The following KCNQ3 variants were observed in gnomAD, a reference collection of about 807,000 sequenced individuals.
KCNQ3 encodes potassium voltage-gated channel subfamily Q member 3.
A neutral mutation model predicts 92.5 loss-of-function variants in KCNQ3; 30 were observed. That is an observed-to-expected ratio of 0.32 (90% CI 0.24 to 0.44). The LOEUF is 0.44. Among genes scored for constraint, KCNQ3 ranks in the 20% least tolerant of loss-of-function variants. The pLI is 1.00. For missense variants in KCNQ3, 913 were observed against 1,140.3 expected (o/e 0.80, Z 2.87); for synonymous variants, 450 against 468.8 (o/e 0.96, Z 0.52).
intron 1 of KCNQ3, among the ~76,000 whole-genome samples, chr8:132,468,339 C>T (rs1404704381): frequency 6.6e-6 from 1 of 152,188 alleles, no homozygotes; most frequent in African/African-American, 2.4e-5. Flanking sequence ...AGTATATTCT[C>T]CTAGCCCAGG....
chr8:132,177,197 C>T (rs1432979875), intron 4 of KCNQ3, among the ~76,000 whole-genome samples: 2 of 152,338 alleles, frequency 1.3e-5, no homozygotes, highest in East Asian at 3.9e-4. Flanking sequence ...TAAAAACTGA[C>T]TGTTCTGGAT....
intron 1 of KCNQ3, among the ~76,000 whole-genome samples, chr8:132,479,509 C>A (rs548414727): frequency 6.6e-6 from 1 of 152,218 alleles, no homozygotes; most frequent in East Asian, 1.9e-4. Flanking sequence ...CGTTCCCATT[C>A]ACTTCCCTAA....
At chr8:132,359,118 C>T (rs750517176) in intron 1 of KCNQ3, among the ~76,000 whole-genome samples, 7 of 152,190 alleles carry the variant, frequency 4.6e-5, no homozygotes, top group Non-Finnish European at 8.8e-5. Flanking sequence ...GGGAACAGTA[C>T]AGTATAATTG....
At position 132,127,065 on chromosome 8, in the gene KCNQ3, G is replaced by C. The variant is rs372685274; in HGVS notation, c.*2197C>G. 9 of 152,152 alleles carry C rather than the reference G, an allele frequency of 5.9e-5. No homozygotes were observed. The highest frequency in any genetic ancestry group is 2.2e-4 in the African/African-American group (9 of 41,424). 9.4% of individuals were successfully genotyped at this position (152,152 alleles called of 1,614,324 possible). A position where few individuals can be genotyped will look rare whatever the true frequency, so the allele number is the denominator to read the frequency against. On this transcript the variant is annotated 3_prime_UTR_variant, in exon 15 of 15. Transcript: ENST00000388996. ...AAGTGAAAGATTCCAGGAAGATCAG[G>C]ATTCAATAATCAAGCCCTCAGGAAG...
chr8:132,159,957 T>A (rs184497293), intron 9 of KCNQ3, among the ~76,000 whole-genome samples: 1 of 152,300 alleles, frequency 6.6e-6, no homozygotes, highest in East Asian at 1.9e-4. Flanking sequence ...TTCCAGGCAC[T>A]GTGTCAGGTG....
intron 1 of KCNQ3, among the ~76,000 whole-genome samples, chr8:132,229,881 A>T (rs750392802): frequency 6.6e-6 from 1 of 152,184 alleles, no homozygotes; most frequent in South Asian, 2.1e-4. Flanking sequence ...ACAAACTCCT[A>T]TCAGGAGACG....
At chr8:132,474,408 T>C (rs1822361450) in intron 1 of KCNQ3, among the ~76,000 whole-genome samples, 1 of 152,106 alleles carries the variant, frequency 6.6e-6, no homozygotes, top group South Asian at 2.1e-4. Flanking sequence ...ATGTTTTTCA[T>C]AAAATCAGAA....
intron 1 of KCNQ3, among the ~76,000 whole-genome samples, chr8:132,357,517 T>A (rs550436267): frequency 6.6e-6 from 1 of 152,330 alleles, no homozygotes; most frequent in East Asian, 1.9e-4. Flanking sequence ...GGAATGAGTT[T>A]GCCTGCACAC....
At chr8:132,368,581 G>C (rs1819386270) in intron 1 of KCNQ3, among the ~76,000 whole-genome samples, 1 of 151,946 alleles carries the variant, frequency 6.6e-6, no homozygotes, top group Non-Finnish European at 1.5e-5. Flanking sequence ...TGGGCCCCGG[G>C]GGTCAAGGCT....
intron 1 of KCNQ3, among the ~76,000 whole-genome samples, chr8:132,413,163 G>A (rs751966909): frequency 5.9e-5 from 9 of 152,182 alleles, no homozygotes; most frequent in Non-Finnish European, 1.0e-4. Flanking sequence ...TTCTCGCCAC[G>A]CTACAAATGA....
At chr8:132,162,342 C>T (rs1235433274) in intron 9 of KCNQ3, among the ~76,000 whole-genome samples, 1 of 152,182 alleles carries the variant, frequency 6.6e-6, no homozygotes. Flanking sequence ...ACCTGTTGGT[C>T]ATGAAAGAAG....
chr8:132,388,644 T>G lies in KCNQ3; in HGVS notation c.386+91503A>C, dbSNP rs1408784571. Among the ~76,000 whole-genome samples the G allele has an allele frequency of 2.6e-5, 4 of 152,352 alleles. No homozygotes were observed. The East Asian group carries it at 5.8e-4, about 22-fold the overall frequency. ...AAGATGAGAGGGGTTAAAGTTTCAT[T>G]CATTTATTAATTTCTTATTTATTTC... is the stretch of plus-strand genomic sequence containing the variant. On this transcript the variant is annotated intron_variant, in intron 1 of 14. Coordinates refer to ENST00000388996, the MANE Select transcript of KCNQ3 (RefSeq NM_004519.4).
At chr8:132,229,806 A>T (rs978578713) in intron 1 of KCNQ3, among the ~76,000 whole-genome samples, 4 of 152,204 alleles carry the variant, frequency 2.6e-5, no homozygotes, top group African/African-American at 9.6e-5. Flanking sequence ...ATCCCCACCA[A>T]GGGTGAAACA....
intron 1 of KCNQ3, among the ~76,000 whole-genome samples, chr8:132,202,325 C>T (rs1378518618): frequency 2.0e-5 from 3 of 152,170 alleles, no homozygotes; most frequent in Non-Finnish European, 1.5e-5. Flanking sequence ...TTCCTTCTAT[C>T]TATATTAATA....
chr8:132,191,112 T>C (rs1157288462), intron 1 of KCNQ3, among the ~76,000 whole-genome samples: 1 of 152,176 alleles, frequency 6.6e-6, no homozygotes, highest in African/African-American at 2.4e-5. Context: ...ATGAAAGATA[T>C]TGTAGATCAA....
At chr8:132,275,812 C>T (rs1039800656) in intron 1 of KCNQ3, among the ~76,000 whole-genome samples, 30 of 152,096 alleles carry the variant, frequency 2.0e-4, no homozygotes, top group African/African-American at 4.3e-4. Context: ...TTCCTGACCT[C>T]GTGATCCGCC....
chr8:132,337,924 CAT>C (rs1274150868), intron 1 of KCNQ3, among the ~76,000 whole-genome samples: 1 of 152,174 alleles, frequency 6.6e-6, no homozygotes, highest in Non-Finnish European at 1.5e-5. Context: ...CATAAATGCA[CAT>C]GATATTCTTA....
chr8:132,339,717 C>G (rs952672330), intron 1 of KCNQ3, among the ~76,000 whole-genome samples: 1 of 152,146 alleles, frequency 6.6e-6, no homozygotes, highest in Non-Finnish European at 1.5e-5. Flanking sequence ...CCTGCCTGCA[C>G]TCTGTTTATG....
intron 1 of KCNQ3, among the ~76,000 whole-genome samples, chr8:132,379,924 G>T (rs1819702098): frequency 6.8e-6 from 1 of 146,512 alleles, no homozygotes. Context: ...TTTTGGCTTA[G>T]CCTACCTATG....
Sources: allele counts gnomAD v4.1 joint callset (sites outside exome capture counted in the v4.1 genomes callset), GRCh38; gene constraint gnomAD v4.1.1; transcripts MANE v1.5; gene names NCBI Gene and HGNC (gene_info 2026-07-23, HGNC 2026-07-21).